Variants in GNAL observed in about 807,000 individuals in gnomAD.
The protein encoded by GNAL is G protein subunit alpha L, also known as guanine nucleotide-binding protein G(olf) subunit alpha.
Under a neutral mutation model 55.1 loss-of-function variants are expected in GNAL, and 18 were observed. The ratio of observed to expected loss-of-function variants is 0.33; its 90% confidence interval spans 0.23 to 0.48. GNAL has a LOEUF of 0.48. Among genes scored for constraint, GNAL ranks in the 20% least tolerant of loss-of-function variants. GNAL has a pLI of 0.99. For synonymous variants in GNAL, 253 were observed against 237.0 expected, an observed-to-expected ratio of 1.07 and a Z score of -0.62; for missense variants, 412 against 614.1, an observed-to-expected ratio of 0.67 and a Z score of 3.48.
intron 1 of GNAL, among the ~76,000 whole-genome samples, chr18:11,693,438 C>A (rs1281459106): frequency 6.6e-6 from 1 of 152,148 alleles, no homozygotes; most frequent in Admixed American, 6.5e-5. Context: ...TACACTAAAA[C>A]GCATACTGTT....
chr18:11,782,842 T>C (rs1319843880), intron 4 of GNAL, among the ~76,000 whole-genome samples: 1 of 152,236 alleles, frequency 6.6e-6, no homozygotes, highest in Non-Finnish European at 1.5e-5. Flanking sequence ...AGGAAAAATG[T>C]ACATAGATGC....
chr18:11,851,655 G>A, intron 5 of GNAL: 2 of 1,614,032 alleles, frequency 1.2e-6, no homozygotes, highest in Non-Finnish European at 1.7e-6. Context: ...TGGAAGTTGC[G>A]AGGATACACG....
intron 4 of GNAL, among the ~76,000 whole-genome samples, chr18:11,788,914 A>AAAAAAAAAATATATATAT (rs60071996): frequency 8.9e-5 from 5 of 56,302 alleles, no homozygotes; most frequent in African/African-American, 4.0e-4. Context: ...AAAAAAAAAA[A>AAAAAAAAAATATATATAT]ATATATATAT....
chr18:11,880,400 C>G (rs2036649117), intron 11 of GNAL, among the ~76,000 whole-genome samples: 1 of 151,788 alleles, frequency 6.6e-6, no homozygotes, highest in Non-Finnish European at 1.5e-5. Flanking sequence ...GACACCCCGT[C>G]TCTACTAAAA....
At chr18:11,719,954 T>C (rs1157425403) in intron 1 of GNAL, among the ~76,000 whole-genome samples, 1 of 152,250 alleles carries the variant, frequency 6.6e-6, no homozygotes, top group African/African-American at 2.4e-5. Flanking sequence ...ACAGCATACC[T>C]ACTTGCTGTT....
intron 4 of GNAL, among the ~76,000 whole-genome samples, chr18:11,769,017 ATAT>A (rs1335163247): frequency 9.7e-6 from 1 of 103,414 alleles, no homozygotes; most frequent in Non-Finnish European, 1.8e-5. Flanking sequence ...TATATATTCT[ATAT>A]TATAATATAT....
intron 7 of GNAL, among the ~76,000 whole-genome samples, chr18:11,866,202 C>T (rs787560): frequency 0.96 from 144,638 of 149,990 alleles, 70,526 homozygotes; most frequent in East Asian, 1. Flanking sequence ...TATCTCACAT[C>T]TGTGATTTTG....
chr18:11,853,607 A>T (rs1471789276), intron 5 of GNAL: 1 of 166,996 alleles, frequency 6.0e-6, no homozygotes, highest in Non-Finnish European at 1.5e-5. Flanking sequence ...CATGTTTCCC[A>T]GTGTAAATGA....
In GNAL at chr18:11,752,374, A is replaced by T; in HGVS notation, c.377-479A>T. The T allele has an allele frequency of 6.4e-7, 1 of 1,555,726 alleles. No individual in the cohort carries two copies. ...GTCGCAGGAGCCGCACACGTCTCCA[A>T]CTCTCTATTGCTTTTTGCGCACATT... On this transcript the variant is annotated intron_variant, in intron 1 of 11. Coordinates refer to ENST00000334049, the MANE Select transcript of GNAL (RefSeq NM_182978.4). The surrounding 1 kb of genome is among the most constrained non-coding windows in gnomAD (Gnocchi z 4.5).
At chr18:11,856,852 A>G (rs5018700) in intron 5 of GNAL, among the ~76,000 whole-genome samples, 9,755 of 152,240 alleles carry the variant, frequency 0.064, 517 homozygotes, top group African/African-American at 0.15. Flanking sequence ...GACTCCCTTG[A>G]ACCCAGGAGG....
intron 5 of GNAL, among the ~76,000 whole-genome samples, chr18:11,826,513 C>T (rs2035251307): frequency 6.6e-6 from 1 of 152,164 alleles, no homozygotes; most frequent in Non-Finnish European, 1.5e-5. Flanking sequence ...GCTACAGCAA[C>T]CAGCCATCCC....
rs541896004 is a variant in GNAL, at chr18:11,843,618, A to G, written c.722+18603A>G. Among the ~76,000 whole-genome samples the G allele has an allele frequency of 2.6e-5, 4 of 152,182 alleles. No individual in the cohort carries two copies. In the South Asian group the frequency reaches 6.2e-4, roughly 24 times the overall value. ...ATTTCTAGTAGGACTCACCAAGTTA[A>G]GTTATATTTGATTTCTAATACCATT... On this transcript the variant is annotated intron_variant, in intron 5 of 11. Transcript: ENST00000334049.
intron 7 of GNAL, among the ~76,000 whole-genome samples, chr18:11,865,398 A>T (rs2036239780): frequency 6.7e-6 from 1 of 149,134 alleles, no homozygotes; most frequent in Non-Finnish European, 1.5e-5. Flanking sequence ...GCTTCTGTTC[A>T]TCTTGTCCTC....
At chr18:11,742,730 C>G (rs1015555967) in intron 1 of GNAL, among the ~76,000 whole-genome samples, 5 of 152,162 alleles carry the variant, frequency 3.3e-5, no homozygotes, top group Non-Finnish European at 5.9e-5. Context: ...TGGTCCGACC[C>G]CACCACTCCT....
chr18:11,817,379 T>A (rs1325371279), intron 4 of GNAL, among the ~76,000 whole-genome samples: 1 of 152,232 alleles, frequency 6.6e-6, no homozygotes, highest in Non-Finnish European at 1.5e-5. Context: ...GTCATTGAAT[T>A]ACCTGCACAG....
At chr18:11,862,117 G>A (rs974287340) in intron 5 of GNAL, among the ~76,000 whole-genome samples, 2 of 151,978 alleles carry the variant, frequency 1.3e-5, no homozygotes, top group African/African-American at 2.4e-5. Context: ...CAGTTTCTGA[G>A]TAGCTCCCAC....
intron 9 of GNAL, among the ~76,000 whole-genome samples, chr18:11,869,406 G>A (rs2036342034): frequency 6.6e-6 from 1 of 151,834 alleles, no homozygotes; most frequent in Non-Finnish European, 1.5e-5. Flanking sequence ...GCCTCCCAAA[G>A]TGCTGGGATT....
intron 5 of GNAL, among the ~76,000 whole-genome samples, chr18:11,832,643 A>C (rs1417171367): frequency 1.3e-5 from 2 of 152,204 alleles, no homozygotes; most frequent in Non-Finnish European, 2.9e-5. Flanking sequence ...TAATCACCTG[A>C]GGTCAGGAGT....
chr18:11,735,240 G>A (rs899070700), intron 1 of GNAL, among the ~76,000 whole-genome samples: 6 of 151,596 alleles, frequency 4.0e-5, no homozygotes, highest in South Asian at 4.2e-4. Context: ...TGGTAGAGAC[G>A]GGGTTTCACC....
Sources: gnomAD v4.1 joint callset for allele counts (sites outside exome capture counted in the v4.1 genomes callset) on GRCh38, gnomAD v4.1.1 for gene constraint, Gnocchi (gnomAD v3.1) non-coding constraint, MANE v1.5 for transcripts, NCBI Gene and HGNC (gene_info 2026-07-23, HGNC 2026-07-21) for gene names.